Variants in GPHN observed in about 807,000 individuals in gnomAD.
The protein encoded by GPHN is gephyrin.
In GPHN, 17 loss-of-function variants were observed where a neutral mutation model predicts 95.5. That is an observed-to-expected ratio of 0.18 (90% CI 0.12 to 0.27). The LOEUF (loss-of-function observed/expected upper bound fraction) is 0.27. GPHN is among the 10% of genes least tolerant of loss of function. The pLI, the probability that GPHN is intolerant of heterozygous loss-of-function variation, is 1.00. For missense variants in GPHN, 660 were observed against 978.1 expected (o/e 0.67, Z 4.34); for synonymous variants, 320 against 322.5 (o/e 0.99, Z 0.08).
At chr14:67,631,309 C>T in the GPHN span, among the ~76,000 whole-genome samples, 1 of 152,136 alleles carries the variant, frequency 6.6e-6, no homozygotes, top group South Asian at 2.1e-4. Context: ...CTTTCTAATA[C>T]AATGAACAGA....
chr14:67,115,461 G>T (rs1466881146), intron 16 of GPHN, among the ~76,000 whole-genome samples: 1 of 152,172 alleles, frequency 6.6e-6, no homozygotes, highest in Non-Finnish European at 1.5e-5. Flanking sequence ...GGCCGGGCAT[G>T]GTTGCTCACA....
intron 1 of GPHN, among the ~76,000 whole-genome samples, chr14:66,645,712 T>A (rs950280773): frequency 1.6e-4 from 24 of 149,276 alleles, no homozygotes; most frequent in East Asian, 4.0e-4. Flanking sequence ...AAAAAGAAAA[T>A]TTTTTTTAAA....
At chr14:67,435,952 G>C in the GPHN span, among the ~76,000 whole-genome samples, 1 of 152,224 alleles carries the variant, frequency 6.6e-6, no homozygotes, top group Non-Finnish European at 1.5e-5. Flanking sequence ...GGATGGTTAA[G>C]TATTTGCTTT....
chr14:67,196,055 T>C, the GPHN span, among the ~76,000 whole-genome samples: 1 of 152,080 alleles, frequency 6.6e-6, no homozygotes, highest in South Asian at 2.1e-4. Flanking sequence ...TAAATAATGC[T>C]TTCTATGGGA....
At chr14:67,706,452 A>C in the GPHN span, among the ~76,000 whole-genome samples, 5 of 152,328 alleles carry the variant, frequency 3.3e-5, no homozygotes, top group South Asian at 1.0e-3. Flanking sequence ...TTGGTTTTAT[A>C]CATTCTAGGG....
chr14:67,345,557 A>C, the GPHN span, among the ~76,000 whole-genome samples: 1 of 152,216 alleles, frequency 6.6e-6, no homozygotes, highest in East Asian at 1.9e-4. Flanking sequence ...CTCCATCTCA[A>C]AAAAATAAAA....
At chr14:66,612,680 A>C (rs1182362923) in intron 1 of GPHN, among the ~76,000 whole-genome samples, 1 of 152,046 alleles carries the variant, frequency 6.6e-6, no homozygotes, top group Non-Finnish European at 1.5e-5. Context: ...TATAGATAGA[A>C]TGTTTCTTTC....
chr14:67,087,248 C>T (rs1055359811), intron 11 of GPHN, among the ~76,000 whole-genome samples: 4 of 152,064 alleles, frequency 2.6e-5, no homozygotes, highest in Non-Finnish European at 4.4e-5. Flanking sequence ...TTCAAAATCC[C>T]AGCAAAGTCA....
intron 16 of GPHN, among the ~76,000 whole-genome samples, chr14:67,121,712 A>G (rs2079018578): frequency 6.6e-6 from 1 of 152,202 alleles, no homozygotes; most frequent in Non-Finnish European, 1.5e-5. Flanking sequence ...GTAGCTAAGT[A>G]TTACTTAAGT....
chr14:66,691,554 T>C (rs1421285776), intron 2 of GPHN, among the ~76,000 whole-genome samples: 1 of 152,190 alleles, frequency 6.6e-6, no homozygotes, highest in African/African-American at 2.4e-5. Context: ...TATATTTCAG[T>C]GTCTATAAAT....
intron 8 of GPHN, among the ~76,000 whole-genome samples, chr14:66,947,506 A>G (rs1011361421): frequency 1.3e-5 from 2 of 152,244 alleles, no homozygotes; most frequent in African/African-American, 2.4e-5. Context: ...CACCTAGCAC[A>G]GGTTGGCACA....
intron 12 of GPHN, 77 bp downstream of exon 12, chr14:67,089,152 T>TTTTTTTTTTTTTTTTTTTTTTTA: frequency 2.0e-6 from 1 of 512,272 alleles, no homozygotes; most frequent in South Asian, 1.9e-5. Flanking sequence ...TTTTTTTTTT[T>TTTTTTTTTTTTTTTTTTTTTTTA]TTTTTTCAAA....
chr14:67,067,376 G>A (rs1053500238), intron 11 of GPHN, among the ~76,000 whole-genome samples: 15 of 152,160 alleles, frequency 9.9e-5, no homozygotes, highest in Admixed American at 6.5e-5. Context: ...GCCCCTACTA[G>A]GAGATGTCTT....
At chr14:67,532,056 A>T in the GPHN span, among the ~76,000 whole-genome samples, 1 of 152,158 alleles carries the variant, frequency 6.6e-6, no homozygotes. Flanking sequence ...GGGCTAATCT[A>T]TCCCAATCCC....
chr14:67,709,581 G>T, the GPHN span, among the ~76,000 whole-genome samples: 9 of 152,042 alleles, frequency 5.9e-5, no homozygotes, highest in Non-Finnish European at 1.0e-4. Context: ...TCTTAAAATT[G>T]GCCCTCACAA....
chr14:67,098,532 A>G (rs2077517707), intron 12 of GPHN, among the ~76,000 whole-genome samples: 1 of 152,038 alleles, frequency 6.6e-6, no homozygotes, highest in Admixed American at 6.6e-5. Context: ...AAAATGGGTC[A>G]GGCGCGGTGG....
At chr14:66,744,828 C>G (rs1566896895) in intron 2 of GPHN, among the ~76,000 whole-genome samples, 1 of 151,532 alleles carries the variant, frequency 6.6e-6, no homozygotes, top group Non-Finnish European at 1.5e-5. Context: ...GTCACTGTTA[C>G]TTGTTAGAGA....
intron 12 of GPHN, among the ~76,000 whole-genome samples, chr14:67,090,581 A>C (rs1217421325): frequency 1.3e-5 from 2 of 152,108 alleles, no homozygotes; most frequent in African/African-American, 4.8e-5. Flanking sequence ...TCTGAAAAAC[A>C]TCAAAATCCA....
chr14:66,766,180 A>C (rs1023924045), intron 2 of GPHN, among the ~76,000 whole-genome samples: 2 of 152,212 alleles, frequency 1.3e-5, no homozygotes, highest in Non-Finnish European at 2.9e-5. Context: ...GTCATTAGCC[A>C]ACTTTAGCCA....
Sources: allele counts gnomAD v4.1 joint callset (sites outside exome capture counted in the v4.1 genomes callset), GRCh38; gene constraint gnomAD v4.1.1; transcripts MANE v1.5; gene names NCBI Gene and HGNC (gene_info 2026-07-23, HGNC 2026-07-21).